PCDH7: variants seen among roughly 807,000 people sequenced by gnomAD.
PCDH7 encodes the protein protocadherin-7.
Under a neutral mutation model 58.9 loss-of-function variants are expected in PCDH7, and 17 were observed. The observed-to-expected ratio is 0.29, with a 90% CI of 0.20 to 0.43. The LOEUF (loss-of-function observed/expected upper bound fraction) is 0.43, where lower values mean the gene tolerates loss of function less well. Among genes scored for constraint, PCDH7 ranks in the 20% least tolerant of loss-of-function variants. The pLI, the probability that PCDH7 is intolerant of heterozygous loss-of-function variation, is 1.00. For missense variants in PCDH7, 1,274 were observed against 1,441.0 expected, an observed-to-expected ratio of 0.88 and a Z score of 1.88; for synonymous variants, 664 against 616.4, an observed-to-expected ratio of 1.08 and a Z score of -1.14.
chr4:31,102,204 A>G (rs927041644), intron 3 of PCDH7, among the ~76,000 whole-genome samples: 4 of 148,168 alleles, frequency 2.7e-5, no homozygotes, highest in African/African-American at 5.0e-5. Flanking sequence ...TTTTTTTTTT[A>G]CTGTTGTGTA....
downstream of PCDH7, among the ~76,000 whole-genome samples, chr4:30,735,000 CT>C (rs1324328134): frequency 1.3e-5 from 2 of 152,010 alleles, no homozygotes; most frequent in African/African-American, 4.8e-5. Context: ...GGGCAATTCT[CT>C]GATCTCCCCG....
At chr4:31,088,742 C>T (rs146827145) in intron 3 of PCDH7, among the ~76,000 whole-genome samples, 2 of 151,930 alleles carry the variant, frequency 1.3e-5, no homozygotes, top group East Asian at 1.9e-4. Flanking sequence ...TGCATCTGCT[C>T]TCTTAGAATT....
At chr4:30,772,468 G>C (rs1234694945) in intron 1 of PCDH7, among the ~76,000 whole-genome samples, 2 of 152,092 alleles carry the variant, frequency 1.3e-5, no homozygotes, top group Non-Finnish European at 1.5e-5. Flanking sequence ...CAACTTCATA[G>C]TTCCTGAATT....
At chr4:30,791,457 C>G (rs997785121) in intron 1 of PCDH7, among the ~76,000 whole-genome samples, 6 of 152,070 alleles carry the variant, frequency 3.9e-5, no homozygotes, top group African/African-American at 1.4e-4. Flanking sequence ...CAATAAATGC[C>G]AGCAATTATT....
chr4:30,990,773 T>C (rs1751403270), intron 3 of PCDH7, among the ~76,000 whole-genome samples: 1 of 152,156 alleles, frequency 6.6e-6, no homozygotes, highest in Non-Finnish European at 1.5e-5. Flanking sequence ...GGGCACAGCA[T>C]TATATGATCC....
chr4:31,017,162 G>A (rs1044602334), intron 3 of PCDH7, among the ~76,000 whole-genome samples: 1 of 152,272 alleles, frequency 6.6e-6, no homozygotes, highest in South Asian at 2.1e-4. Flanking sequence ...CAGTTATTAT[G>A]CACCTTTACC....
intron 3 of PCDH7, among the ~76,000 whole-genome samples, chr4:31,028,876 AT>A (rs1754663870): frequency 1.3e-5 from 2 of 152,280 alleles, no homozygotes; most frequent in African/African-American, 4.8e-5. Context: ...AAAACAAATT[AT>A]TGTGTCATAA....
intron 1 of PCDH7, among the ~76,000 whole-genome samples, chr4:30,817,903 A>C (rs1379021328): frequency 6.6e-6 from 1 of 152,142 alleles, no homozygotes; most frequent in Non-Finnish European, 1.5e-5. Context: ...AGATGCCTCC[A>C]GAGATTTTTT....
At chr4:30,836,309 T>C (rs1730473300) in intron 1 of PCDH7, among the ~76,000 whole-genome samples, 1 of 152,206 alleles carries the variant, frequency 6.6e-6, no homozygotes, top group Admixed American at 6.5e-5. Flanking sequence ...ATAAAATGTT[T>C]GCATACAAGA....
rs1322151327 is a variant in PCDH7 at position 30,721,401 on chromosome 4, G to C, written c.-22G>C. 4.8e-6 allele frequency: 7 copies of C among 1,472,756 alleles called. No individual in the cohort carries two copies. The highest frequency in any genetic ancestry group is 6.3e-6 in the Non-Finnish European group (7 of 1,113,934). The allele number at this position is 1,472,756 out of a possible 1,614,324, so 91.2% of individuals were successfully genotyped here. On this transcript the variant is annotated 5_prime_UTR_variant, in exon 1 of 2. Transcript: ENST00000361762. The surrounding 1 kb of genome is among the most constrained non-coding windows in gnomAD (Gnocchi z 6.7). ...GAGGGGGCTGTGGTTAGAAGGAGCA[G>C]TAGCAGCAGCAGCAGGAGAAGATGC...
rs889672847 is a variant in PCDH7 at position 30,722,049 on chromosome 4, C to T, written c.627C>T (p.Gly209=). 1.6e-6 allele frequency: 2 copies of T among 1,235,866 alleles called. No homozygotes were observed. The highest frequency in any genetic ancestry group is 2.0e-6 in the Non-Finnish European group (2 of 991,376). The allele number at this position is 1,235,866 out of a possible 1,614,324, so 76.6% of individuals were successfully genotyped here. A position where few individuals can be genotyped will look rare whatever the true frequency, so the allele number is the denominator to read the frequency against. ...CCGACAGCGCCCCCTACCCCGGGGGCGGCGGGAACGGCGCGAGCGGCGGCG... is the reference window on the plus strand; with the variant it reads ...CCGACAGCGCCCCCTACCCCGGGGGTGGCGGGAACGGCGCGAGCGGCGGCG... Residue 209 remains glycine (G), a synonymous_variant, in exon 1 of 2, where the codon GGC becomes GGT. Coordinates refer to ENST00000361762, the Ensembl canonical transcript of PCDH7. The surrounding 1 kb of genome is among the most constrained non-coding windows in gnomAD (Gnocchi z 7.6).
At chr4:31,034,207 T>C (rs1755194638) in intron 3 of PCDH7, among the ~76,000 whole-genome samples, 1 of 152,184 alleles carries the variant, frequency 6.6e-6, no homozygotes, top group Non-Finnish European at 1.5e-5. Context: ...CCTGCCTCCA[T>C]CATCTTCCCT....
At position 30,721,240 on chromosome 4, in the gene PCDH7, C is replaced by T; in HGVS notation, c.-183C>T. ...AAAAAAAGAAGCATCTATCGCTGCCCTCCCACCCCCATTCCCGGCCAACTC... is the reference window on the plus strand; with the variant it reads ...AAAAAAAGAAGCATCTATCGCTGCCTTCCCACCCCCATTCCCGGCCAACTC... On this transcript the variant is annotated 5_prime_UTR_variant, in exon 1 of 2. Coordinates refer to ENST00000361762, the Ensembl canonical transcript of PCDH7. This position sits in a 1 kb window ranked among gnomAD's most constrained non-coding sequence, Gnocchi z 6.7. The T allele has an allele frequency of 1.8e-6, 1 of 570,008 alleles. No individual in the cohort carries two copies. Among genetic ancestry groups the T allele is most frequent in the Non-Finnish European group, 3.0e-6 (1 of 328,194 alleles). The allele number at this position is 570,008 out of a possible 1,614,324, so 35.3% of individuals were successfully genotyped here.
Position 30,960,155 on chromosome 4 carries a change from G to A in PCDH7, c.*7+9940G>A, listed in dbSNP as rs186277824. Among the ~76,000 whole-genome samples, 145 of 48,824 alleles carry A rather than the reference G, an allele frequency of 3.0e-3. 1 individual carries two copies. Among genetic ancestry groups the A allele is most frequent in the East Asian group, 8.8e-3 (8 of 912 alleles). 32.0% of individuals were successfully genotyped at this position (48,824 alleles called of 152,430 possible). A position where few individuals can be genotyped will look rare whatever the true frequency, so the allele number is the denominator to read the frequency against. On this transcript the variant is annotated intron_variant, in intron 3 of 3. Coordinates refer to the PCDH7 transcript ENST00000509759. ...GAAGGAAGGAAGGAAGGAAGGAAGG[G>A]AGGGAGGGAGGGAGGGAGGAAGAAA... is the stretch of plus-strand genomic sequence containing the variant.
At position 30,957,441 on chromosome 4, in the gene PCDH7, G is replaced by T. The variant is rs183080999; in HGVS notation, c.*7+7226G>T. ...AGTGTGTTCAAATAATGAAGAAGATGCAGGAAAATATTTTAAAAACAACCA... is the reference window on the plus strand; with the variant it reads ...AGTGTGTTCAAATAATGAAGAAGATTCAGGAAAATATTTTAAAAACAACCA... On this transcript the variant is annotated intron_variant, in intron 3 of 3. Transcript: ENST00000509759. Among the ~76,000 whole-genome samples, 254 of 152,228 alleles carry T rather than the reference G, an allele frequency of 1.7e-3. 4 individuals carry two copies. The highest frequency in any genetic ancestry group is 5.0e-3 in the Admixed American group (77 of 15,292).
intron 1 of PCDH7, among the ~76,000 whole-genome samples, chr4:30,809,049 C>T (rs1726632136): frequency 6.6e-6 from 1 of 152,148 alleles, no homozygotes; most frequent in Non-Finnish European, 1.5e-5. Context: ...TTGTGTCACT[C>T]TTGAAAAGAT....
chr4:30,727,893 C>A (rs1714853725), intron 1 of PCDH7, among the ~76,000 whole-genome samples: 2 of 151,964 alleles, frequency 1.3e-5, no homozygotes, highest in South Asian at 4.1e-4. Flanking sequence ...TTCTATTGAG[C>A]TTATCCTTGA....
intron 2 of PCDH7, among the ~76,000 whole-genome samples, chr4:30,949,289 A>G (rs1747086297): frequency 6.6e-6 from 1 of 152,186 alleles, no homozygotes; most frequent in African/African-American, 2.4e-5. Context: ...ATTTAAATAT[A>G]AACATACAAA....
At chr4:30,759,599 AAAG>A (rs1719767499) in intron 1 of PCDH7, among the ~76,000 whole-genome samples, 1 of 152,182 alleles carries the variant, frequency 6.6e-6, no homozygotes, top group African/African-American at 2.4e-5. Flanking sequence ...CTTTGTGTGA[AAAG>A]AAAAAAATCT....
Sources: allele counts gnomAD v4.1 joint callset (sites outside exome capture counted in the v4.1 genomes callset), GRCh38; gene constraint gnomAD v4.1.1; non-coding constraint Gnocchi (gnomAD v3.1); transcripts MANE v1.5; gene names NCBI Gene and HGNC (gene_info 2026-07-23, HGNC 2026-07-21).